The following RBBP5 variants were observed in gnomAD, a reference collection of about 807,000 sequenced individuals.
The protein encoded by RBBP5 is RB binding protein 5, histone lysine methyltransferase complex subunit.
RBBP5 carries 5 observed loss-of-function variants against 72.2 expected under a neutral mutation model. That is an observed-to-expected ratio of 0.07 (90% confidence interval 0.04 to 0.15). The LOEUF (loss-of-function observed/expected upper bound fraction) is 0.15, where lower values mean the gene tolerates loss of function less well. Among genes scored for constraint, RBBP5 ranks in the 10% least tolerant of loss-of-function variants. The pLI is 1.00. For synonymous variants in RBBP5, 209 were observed against 237.2 expected, an observed-to-expected ratio of 0.88 and a Z score of 1.09; for missense variants, 322 against 652.2, an observed-to-expected ratio of 0.49 and a Z score of 5.51.
chr1:205,115,926 T>C (rs751935022), intron 1 of RBBP5, 43 bp from the exon 2 acceptor site: 7 of 1,613,928 alleles, frequency 4.3e-6, no homozygotes, highest in South Asian at 1.1e-5. Context: ...ATGTACCACA[T>C]AGCAAGGATC....
In RBBP5 at chr1:205,096,595, C is replaced by T. The variant is rs1290248048; in HGVS notation, c.1396+87G>A. 1.5e-5 allele frequency: 19 copies of T among 1,244,184 alleles called. No homozygotes were observed. The East Asian group carries it at 4.0e-4, about 26-fold the overall frequency. The allele number at this position is 1,244,184 out of a possible 1,614,324, so 77.1% of individuals were successfully genotyped here. A position where few individuals can be genotyped will look rare whatever the true frequency, so the allele number is the denominator to read the frequency against. On this transcript the variant is annotated intron_variant, in intron 12 of 13. Coordinates refer to ENST00000264515, the MANE Select transcript of RBBP5 (RefSeq NM_005057.4). ...TGGGAAAATTCCTCTAAGGTGAAAT[C>T]GCTCAAACAGGAAATTACCAGGTTG...
chr1:205,109,602 C>T (rs1479246158), intron 3 of RBBP5, among the ~76,000 whole-genome samples: 4 of 151,826 alleles, frequency 2.6e-5, no homozygotes, highest in Non-Finnish European at 5.9e-5. Context: ...AAACCTACTG[C>T]TACTGCACTA....
In RBBP5 at chr1:205,121,943, T is replaced by G. The variant is rs567616782; in HGVS notation, c.-70A>C. 2.8e-5 allele frequency: 45 copies of G among 1,601,478 alleles called. 1 individual carries two copies. The South Asian group carries it at 4.5e-4, about 16-fold the overall frequency. ...CTTCTCCCCGGCCGGCTTCAGCAAC[T>G]TGCGTCTAAGTGGTGGACGCCGCGA... On this transcript the variant is annotated 5_prime_UTR_variant, in exon 1 of 14. Transcript: ENST00000264515.
In RBBP5 at chr1:205,102,924, G is replaced by C. The variant is rs181090915; in HGVS notation, c.522+933C>G. On this transcript the variant is annotated intron_variant, in intron 5 of 13. Transcript: ENST00000264515. ...AGGAGAATCGCTGGAACCCGGGAGG[G>C]AGAGGTTGCGGTGAACTGAGATGGT... Among the ~76,000 whole-genome samples, 74 of 150,666 alleles carry C rather than the reference G, an allele frequency of 4.9e-4. 2 individuals are homozygous for C. In the East Asian group the frequency reaches 0.011, roughly 23 times the overall value.
At chr1:205,101,752 A>G (rs1354599676) in intron 5 of RBBP5, 43 bp from the exon 6 acceptor site, 1 of 1,362,918 alleles carries the variant, frequency 7.3e-7, no homozygotes. Context: ...TGTTCCAATA[A>G]CTAACAATAA....
intron 1 of RBBP5, among the ~76,000 whole-genome samples, chr1:205,118,547 A>G (rs1432728670): frequency 6.6e-6 from 1 of 152,100 alleles, no homozygotes; most frequent in Admixed American, 6.5e-5. Context: ...CAGGAGGCGG[A>G]GGTTGCAATG....
chr1:205,116,925 C>T (rs575438745), intron 1 of RBBP5, among the ~76,000 whole-genome samples: 7 of 152,372 alleles, frequency 4.6e-5, no homozygotes, highest in Non-Finnish European at 8.8e-5. Flanking sequence ...GATCACACCC[C>T]TTCCTGACTA....
At chr1:205,115,341 A>G (rs1004562396) in intron 2 of RBBP5, among the ~76,000 whole-genome samples, 11 of 152,274 alleles carry the variant, frequency 7.2e-5, no homozygotes, top group African/African-American at 2.6e-4. Flanking sequence ...AAGAATTTAA[A>G]AGAATTTTTT....
chr1:205,099,923 G>A lies in RBBP5; in HGVS notation c.894C>T (p.Leu298=). 1 of 1,614,164 alleles carries A rather than the reference G, an allele frequency of 6.2e-7. No individual in the cohort carries two copies. Among genetic ancestry groups the A allele is most frequent in the African/African-American group, 1.3e-5 (1 of 75,054 alleles). Residue 298 remains leucine, a synonymous_variant, in exon 8 of 14, where the codon CTC becomes CTT. Transcript: ENST00000264515. This position sits in a 1 kb window ranked among gnomAD's most constrained non-coding sequence, Gnocchi z 4.7. ...CTAATGTACTCACAGCTACATCCAA[G>A]AGGAGTTCTCCTCTCGTCCCATGGA... ...KILHGTRGEL[L]LDVAWHPVRP... is the part of the protein sequence containing the mutation.
intron 3 of RBBP5, among the ~76,000 whole-genome samples, chr1:205,114,218 T>TGACC (rs1189992596): frequency 6.6e-6 from 1 of 152,236 alleles, no homozygotes; most frequent in Non-Finnish European, 1.5e-5. Flanking sequence ...CTTGATCTGA[T>TGACC]TAGGTCCTTT....
In RBBP5 at chr1:205,121,948, T is replaced by G; in HGVS notation, c.-75A>C. ...CCCCGGCCGGCTTCAGCAACTTGCG[T>G]CTAAGTGGTGGACGCCGCGAAGAGA... On this transcript the variant is annotated 5_prime_UTR_variant, in exon 1 of 14. Transcript: ENST00000264515. The G allele has an allele frequency of 6.3e-7, 1 of 1,598,604 alleles. No homozygotes were observed.
chr1:205,086,649 A>G lies in RBBP5; in HGVS notation c.*2138T>C, dbSNP rs970863156. 1 of 152,192 alleles carries G rather than the reference A, an allele frequency of 6.6e-6. No individual in the cohort carries two copies. Among genetic ancestry groups the G allele is most frequent in the Non-Finnish European group, 1.5e-5 (1 of 68,020 alleles). The allele number at this position is 152,192 out of a possible 1,614,324, so 9.4% of individuals were successfully genotyped here. ...AAATAATTCAAATTGAAATGGATAG[A>G]AGGTTTTTTAAAAGTTGAAAAAAAA... On this transcript the variant is annotated 3_prime_UTR_variant, in exon 14 of 14. Transcript: ENST00000264515.
At chr1:205,115,977 G>T in intron 1 of RBBP5, 94 bp from the exon 2 acceptor site, 1 of 1,612,094 alleles carries the variant, frequency 6.2e-7, no homozygotes, top group Admixed American at 1.7e-5. Context: ...CTGACAAAAC[G>T]AAAAGGGGGA....
chr1:205,108,337 C>A (rs1656167146), intron 3 of RBBP5, among the ~76,000 whole-genome samples: 1 of 152,018 alleles, frequency 6.6e-6, no homozygotes, highest in Non-Finnish European at 1.5e-5. Flanking sequence ...GTATGTAGAG[C>A]AAATATTTAA....
At chr1:205,114,263 C>T (rs1656437244) in intron 3 of RBBP5, among the ~76,000 whole-genome samples, 1 of 152,064 alleles carries the variant, frequency 6.6e-6, no homozygotes, top group Admixed American at 6.6e-5. Context: ...AAAATGCTGC[C>T]CCAAAATAAA....
intron 10 of RBBP5, 122 bp downstream of exon 10, chr1:205,098,867 G>T: frequency 1.9e-5 from 10 of 515,708 alleles, no homozygotes; most frequent in Non-Finnish European, 3.3e-5. Context: ...AAAAAAAAGT[G>T]TGGGGTGGAG....
chr1:205,086,322 T>TGCCTCCTGGATTCAAGCAA lies in RBBP5; in HGVS notation c.*2446_*2464dup, dbSNP rs892088324. ...CGCAATCTCAGCTCACTGCAACCTC[T>TGCCTCCTGGATTCAAGCAA]GCCTCCTGGATTCAAGCAATTCTCC... On this transcript the variant is annotated 3_prime_UTR_variant, in exon 14 of 14. Coordinates refer to ENST00000264515, the MANE Select transcript of RBBP5 (RefSeq NM_005057.4). 6.8e-6 allele frequency: 1 copy of TGCCTCCTGGATTCAAGCAA among 146,472 alleles called. No individual in the cohort carries two copies. Among genetic ancestry groups the TGCCTCCTGGATTCAAGCAA allele is most frequent in the Admixed American group, 6.9e-5 (1 of 14,496 alleles). The allele number at this position is 146,472 out of a possible 1,614,324, so 9.1% of individuals were successfully genotyped here.
intron 1 of RBBP5, chr1:205,116,281 A>G: frequency 2.6e-6 from 1 of 379,332 alleles, no homozygotes; most frequent in Non-Finnish European, 5.2e-6. Context: ...TGGATTTATT[A>G]TGGTTATTTC....
Position 205,103,963 on chromosome 1 carries a change from T to A in RBBP5, c.416A>T (p.Asp139Val), listed in dbSNP as rs754896131. 6.2e-7 allele frequency: 1 copy of A among 1,614,142 alleles called. No individual in the cohort carries two copies. The highest frequency in any genetic ancestry group is 1.1e-5 in the South Asian group (1 of 91,086). ...CACCGGCAGAACAACATGTTTGGAATCTGAAAGGGTCAACATGACAGGAGC... is the reference window on the plus strand; with the variant it reads ...CACCGGCAGAACAACATGTTTGGAAACTGAAAGGGTCAACATGACAGGAGC... ...KSAPVMLTLS[D>V]SKHVVLPVDD... The change falls in exon 5 of 14, where the codon GAT becomes GTT. Residue 139 changes from aspartate (D) to valine (V), a missense_variant. Physicochemically the swap from Asp to Val is radical, Grantham distance 152. This residue lies in a region of RBBP5 where 161 missense variants were observed against 327.8 expected (regional missense o/e 0.49). Coordinates refer to ENST00000264515, the MANE Select transcript of RBBP5 (RefSeq NM_005057.4).
Sources: allele counts gnomAD v4.1 joint callset (sites outside exome capture counted in the v4.1 genomes callset), GRCh38; gene constraint gnomAD v4.1.1; regional missense constraint gnomAD v4.1.1; non-coding constraint Gnocchi (gnomAD v3.1); transcripts MANE v1.5; gene names NCBI Gene and HGNC (gene_info 2026-07-23, HGNC 2026-07-21).